XIRP2: variants seen among roughly 807,000 people sequenced by gnomAD.
The protein encoded by XIRP2 is xin actin-binding repeat-containing protein 2.
XIRP2 carries 236 observed loss-of-function variants against 277.0 expected under a neutral mutation model. The observed-to-expected ratio is 0.85, with a 90% CI of 0.77 to 0.95. XIRP2 has a LOEUF of 0.95. XIRP2 is among the 40% of genes least tolerant of loss of function. The pLI is 0.00. For missense variants in XIRP2, 4,640 were observed against 4,157.5 expected, an observed-to-expected ratio of 1.12 and a Z score of -3.19; for synonymous variants, 1,490 against 1,416.5, an observed-to-expected ratio of 1.05 and a Z score of -1.17.
At position 167,243,122 on chromosome 2, in the gene XIRP2, T is replaced by C. The variant is rs761047736; in HGVS notation, c.1730T>C (p.Ile577Thr). The C allele has an allele frequency of 4.3e-6, 7 of 1,614,094 alleles. No individual in the cohort carries two copies. In the South Asian group the frequency reaches 7.7e-5, roughly 18 times the overall value. The change falls in exon 9 of 11, where the codon ATT (isoleucine) becomes ACT (threonine). Residue 577 changes from isoleucine (I) to threonine (T), a missense_variant. Coordinates refer to ENST00000409195, the MANE Select transcript of XIRP2 (RefSeq NM_152381.6). ...ATTCTGAAGGGAGAGGTGCAGTCCA[T>C]TAGATGGATCTTTGAGAATCAACCA... is the stretch of plus-strand genomic sequence containing the variant. ...DEILKGEVQS[I>T]RWIFENQPLD...
rs763678788 is a variant in XIRP2, at chr2:167,258,329, G to T, written c.*512G>T. ...TCCAGAAAATAAAGGACAAAGACAAGATCACTTTCCATTTTTGCAGCCTTA... is the reference window on the plus strand; with the variant it reads ...TCCAGAAAATAAAGGACAAAGACAATATCACTTTCCATTTTTGCAGCCTTA... On this transcript the variant is annotated 3_prime_UTR_variant, in exon 11 of 11. Transcript: ENST00000409195. 6.2e-6 allele frequency: 10 copies of T among 1,613,226 alleles called. No individual in the cohort carries two copies. The highest frequency in any genetic ancestry group is 7.6e-6 in the Non-Finnish European group (9 of 1,179,582).
intron 3 of XIRP2, among the ~76,000 whole-genome samples, chr2:167,146,306 C>G (rs1341163511): frequency 6.6e-6 from 1 of 151,746 alleles, no homozygotes; most frequent in Admixed American, 6.6e-5. Context: ...TCAAGACCAG[C>G]CTGGCCAACA....
At position 167,024,473 on chromosome 2, in the gene XIRP2, A is replaced by G. The variant is rs1183627857; in HGVS notation, c.409-111436A>G. Among the ~76,000 whole-genome samples, 6 of 152,226 alleles carry G rather than the reference A, an allele frequency of 3.9e-5. No homozygotes were observed. In the East Asian group the frequency reaches 1.2e-3, roughly 29 times the overall value. On this transcript the variant is annotated intron_variant, in intron 2 of 10. Coordinates refer to ENST00000409195, the MANE Select transcript of XIRP2 (RefSeq NM_152381.6). ...CTTCTCCTGCCTAACTGCCCTGGCC[A>G]GAACTTCCCACACTATGTTGAATAG...
chr2:167,156,241 A>T (rs1390897185), intron 3 of XIRP2, among the ~76,000 whole-genome samples: 1 of 152,134 alleles, frequency 6.6e-6, no homozygotes, highest in Non-Finnish European at 1.5e-5. Flanking sequence ...GAATTGGAAA[A>T]AACTACTTTA....
chr2:167,106,299 T>G (rs777223977), intron 2 of XIRP2, among the ~76,000 whole-genome samples: 12 of 151,778 alleles, frequency 7.9e-5, no homozygotes, highest in Non-Finnish European at 1.3e-4. Flanking sequence ...AGTTTTATAT[T>G]TTTACATGTT....
At chr2:166,907,362 A>G (rs1383701555) in intron 2 of XIRP2, among the ~76,000 whole-genome samples, 7 of 152,216 alleles carry the variant, frequency 4.6e-5, no homozygotes, top group Non-Finnish European at 4.4e-5. Flanking sequence ...ATTTGTCAAT[A>G]GCATTTGCTG....
Position 167,251,521 on chromosome 2 carries a change from G to A in XIRP2, c.10129G>A (p.Gly3377Arg). ...ESRTFCKEEF[G>R]LTSLGNTSFT... ...TCGTACATTTTGTAAGGAGGAATTTGGATTAACATCTTTAGGAAACACGAG... is the reference window on the plus strand; with the variant it reads ...TCGTACATTTTGTAAGGAGGAATTTAGATTAACATCTTTAGGAAACACGAG... The change falls in exon 9 of 11, where the codon GGA (glycine) becomes AGA (arginine). Residue 3377 changes from glycine to arginine, a missense_variant. Physicochemically the swap from Gly to Arg is moderately radical, Grantham distance 125. Transcript: ENST00000409195. 6.2e-7 allele frequency: 1 copy of A among 1,613,408 alleles called. No homozygotes were observed. Among genetic ancestry groups the A allele is most frequent in the Non-Finnish European group, 8.5e-7 (1 of 1,179,604 alleles).
intron 3 of XIRP2, among the ~76,000 whole-genome samples, chr2:167,151,520 A>G (rs1692015771): frequency 6.6e-6 from 1 of 152,108 alleles, no homozygotes; most frequent in Non-Finnish European, 1.5e-5. Flanking sequence ...CTCAACTCTA[A>G]GGGAGGATGT....
intron 2 of XIRP2, among the ~76,000 whole-genome samples, chr2:166,938,297 T>C (rs1477110230): frequency 6.6e-6 from 1 of 152,188 alleles, no homozygotes; most frequent in African/African-American, 2.4e-5. Flanking sequence ...TTGTTGTGTC[T>C]TTGTTCTTGT....
intron 1 of XIRP2, among the ~76,000 whole-genome samples, chr2:166,898,612 A>T (rs1185631804): frequency 1.3e-5 from 2 of 152,162 alleles, no homozygotes; most frequent in Admixed American, 1.3e-4. Flanking sequence ...ACTATAGTAC[A>T]TTATAAAAAT....
intron 3 of XIRP2, among the ~76,000 whole-genome samples, chr2:167,208,200 A>T (rs935154350): frequency 2.6e-5 from 4 of 152,242 alleles, no homozygotes; most frequent in African/African-American, 9.6e-5. Context: ...TCTAACAGAA[A>T]TAGTCATTTG....
chr2:167,108,249 C>A (rs753427431), intron 2 of XIRP2, among the ~76,000 whole-genome samples: 17 of 151,844 alleles, frequency 1.1e-4, no homozygotes, highest in African/African-American at 3.9e-4. Flanking sequence ...TTTTTCTTTA[C>A]CCTGCTAGAG....
intron 2 of XIRP2, among the ~76,000 whole-genome samples, chr2:167,120,538 A>T (rs1196949841): frequency 2.6e-5 from 4 of 152,128 alleles, no homozygotes; most frequent in African/African-American, 9.7e-5. Flanking sequence ...CTGAATTATC[A>T]TTACCTCCTA....
intron 2 of XIRP2, among the ~76,000 whole-genome samples, chr2:166,944,893 G>A (rs907998938): frequency 7.2e-5 from 11 of 152,010 alleles, no homozygotes; most frequent in Admixed American, 2.6e-4. Flanking sequence ...ATCATGTACC[G>A]AATCTTCAGG....
At chr2:167,201,182 G>A (rs1022230486) in intron 3 of XIRP2, among the ~76,000 whole-genome samples, 82 of 127,356 alleles carry the variant, frequency 6.4e-4, no homozygotes, top group Non-Finnish European at 3.4e-4. Context: ...GAAAGAAAGA[G>A]AGAGAGAGAA....
chr2:167,252,899 T>A (rs1002856611), intron 9 of XIRP2, among the ~76,000 whole-genome samples: 5 of 151,986 alleles, frequency 3.3e-5, no homozygotes, highest in African/African-American at 1.2e-4. Flanking sequence ...GTTCTTAATG[T>A]GCTTGCTTCT....
In XIRP2 at chr2:167,249,607, G is replaced by A. The variant is rs775161967; in HGVS notation, c.8215G>A (p.Asp2739Asn). Residue 2739 changes from aspartate (D) to asparagine (N), a missense_variant, in exon 9 of 11, where the codon GAT (aspartate) becomes AAT (asparagine). Transcript: ENST00000409195. Reference sequence around the variant, plus strand: ...AAGTCATAAACAGCAATCTGAGATTGATGTTCAAACCTTTACCAAAAAACA... The same window carrying A: ...AAGTCATAAACAGCAATCTGAGATTAATGTTCAAACCTTTACCAAAAAACA... ...YESHKQQSEIDVQTFTKKQYL... is the reference protein window; with the variant it reads ...YESHKQQSEINVQTFTKKQYL... 5.0e-6 allele frequency: 8 copies of A among 1,613,468 alleles called. No homozygotes were observed. Among genetic ancestry groups the A allele is most frequent in the Non-Finnish European group, 5.9e-6 (7 of 1,179,810 alleles).
At chr2:167,194,315 A>G (rs1464520178) in intron 3 of XIRP2, among the ~76,000 whole-genome samples, 1 of 152,052 alleles carries the variant, frequency 6.6e-6, no homozygotes, top group Non-Finnish European at 1.5e-5. Flanking sequence ...TCCTCACCTC[A>G]GGTTATCCAC....
intron 2 of XIRP2, among the ~76,000 whole-genome samples, chr2:167,082,646 T>A (rs1031804849): frequency 2.6e-5 from 4 of 152,234 alleles, no homozygotes; most frequent in African/African-American, 9.6e-5. Flanking sequence ...TTCCAACTGG[T>A]GTGAGATGGT....
Sources: allele counts gnomAD v4.1 joint callset (sites outside exome capture counted in the v4.1 genomes callset), GRCh38; gene constraint gnomAD v4.1.1; transcripts MANE v1.5; gene names NCBI Gene and HGNC (gene_info 2026-07-23, HGNC 2026-07-21).